ERC2: variants seen among roughly 807,000 people sequenced by gnomAD.
ERC2 encodes the protein ERC protein 2.
Under a neutral mutation model 114.8 loss-of-function variants are expected in ERC2, and 42 were observed. The ratio of observed to expected loss-of-function variants is 0.37; its 90% CI spans 0.29 to 0.47. The LOEUF is 0.47. Ranked by LOEUF, ERC2 falls within the 20% of genes least tolerant of loss-of-function variation. The pLI, the probability that ERC2 is intolerant of heterozygous loss-of-function variation, is 0.99. For missense variants in ERC2, 939 were observed against 1,150.7 expected (o/e 0.82, Z 2.66); for synonymous variants, 454 against 425.5 (o/e 1.07, Z -0.82).
chr3:55,687,849 G>T (rs1005369244), intron 16 of ERC2, among the ~76,000 whole-genome samples: 3 of 152,236 alleles, frequency 2.0e-5, no homozygotes, highest in African/African-American at 7.2e-5. Flanking sequence ...GGCCAGAGCC[G>T]GGAAAAACAG....
At chr3:56,179,761 G>GAAGACCAA (rs2083187262) in intron 3 of ERC2, among the ~76,000 whole-genome samples, 1 of 151,906 alleles carries the variant, frequency 6.6e-6, no homozygotes, top group Non-Finnish European at 1.5e-5. Context: ...GGAGTTATGG[G>GAAGACCAA]AACTAAGAGT....
At chr3:55,598,250 G>A (rs988494383) in intron 17 of ERC2, among the ~76,000 whole-genome samples, 6 of 152,176 alleles carry the variant, frequency 3.9e-5, no homozygotes, top group African/African-American at 1.2e-4. Context: ...TCTGCATAAG[G>A]ACTGCATTGT....
At position 56,388,987 on chromosome 3, in the gene ERC2, A is replaced by C. The variant is rs1417681724; in HGVS notation, c.657+45364T>G. Among the ~76,000 whole-genome samples the C allele has an allele frequency of 2.0e-5, 3 of 152,216 alleles. No individual in the cohort carries two copies. In the East Asian group the frequency reaches 5.8e-4, roughly 29 times the overall value. On this transcript the variant is annotated intron_variant, in intron 2 of 17. Coordinates refer to ENST00000288221, the MANE Select transcript of ERC2 (RefSeq NM_015576.3). ...ACAGAAAGAGAAATTTATGAAAATT[A>C]TGGAGCAAAGCATTCAGAGTATTAG...
chr3:55,770,159 C>T (rs912290383), intron 14 of ERC2, among the ~76,000 whole-genome samples: 1 of 152,188 alleles, frequency 6.6e-6, no homozygotes, highest in Non-Finnish European at 1.5e-5. Flanking sequence ...ACAGAGGCTG[C>T]TACCTCATCC....
At chr3:56,261,762 G>A (rs1050617820) in intron 3 of ERC2, among the ~76,000 whole-genome samples, 5 of 152,052 alleles carry the variant, frequency 3.3e-5, no homozygotes, top group African/African-American at 4.8e-5. Context: ...TTGTTACATA[G>A]GTAAACTTGT....
intron 13 of ERC2, among the ~76,000 whole-genome samples, chr3:55,903,009 A>G (rs527666241): frequency 6.6e-6 from 1 of 152,322 alleles, no homozygotes; most frequent in South Asian, 2.1e-4. Context: ...GGAAACATTC[A>G]CTGTTCATCT....
intron 2 of ERC2, among the ~76,000 whole-genome samples, chr3:56,397,390 A>C (rs2060352497): frequency 6.6e-6 from 1 of 151,324 alleles, no homozygotes; most frequent in Non-Finnish European, 1.5e-5. Flanking sequence ...CTCAGTTCCC[A>C]GTAGCCCATC....
At chr3:55,674,749 G>A (rs1421656507) in intron 17 of ERC2, among the ~76,000 whole-genome samples, 1 of 152,100 alleles carries the variant, frequency 6.6e-6, no homozygotes, top group Non-Finnish European at 1.5e-5. Flanking sequence ...AACTTCCAGG[G>A]GCTCTGTTTC....
intron 3 of ERC2, among the ~76,000 whole-genome samples, chr3:56,207,055 G>A (rs934875794): frequency 1.3e-5 from 2 of 152,116 alleles, no homozygotes; most frequent in African/African-American, 2.4e-5. Context: ...TTTAGAATAC[G>A]AGAAACATGG....
chr3:56,301,784 A>G (rs1291724015), intron 2 of ERC2, among the ~76,000 whole-genome samples: 1 of 151,406 alleles, frequency 6.6e-6, no homozygotes. Flanking sequence ...AAATATAATA[A>G]GAGAAATAAT....
intron 4 of ERC2, among the ~76,000 whole-genome samples, chr3:56,165,163 C>T (rs2082257226): frequency 6.6e-6 from 1 of 151,656 alleles, no homozygotes; most frequent in African/African-American, 2.4e-5. Context: ...TCACTTTTCC[C>T]TCCTCTTCTT....
At chr3:55,713,640 G>C (rs1035864576) in intron 15 of ERC2, among the ~76,000 whole-genome samples, 3 of 152,156 alleles carry the variant, frequency 2.0e-5, no homozygotes, top group South Asian at 2.1e-4. Flanking sequence ...TGGCTTTGAT[G>C]CATCCTATTT....
chr3:55,535,324 C>T (rs2053929863), intron 17 of ERC2, among the ~76,000 whole-genome samples: 2 of 152,002 alleles, frequency 1.3e-5, no homozygotes, highest in African/African-American at 4.8e-5. Flanking sequence ...TGCTGGAATT[C>T]CACTGCATGA....
At chr3:56,034,174 G>C (rs2074647796) in intron 7 of ERC2, among the ~76,000 whole-genome samples, 1 of 152,020 alleles carries the variant, frequency 6.6e-6, no homozygotes, top group African/African-American at 2.4e-5. Flanking sequence ...GAATAGGGGT[G>C]ACTATACTTA....
At chr3:56,038,060 A>G (rs2074913264) in intron 7 of ERC2, among the ~76,000 whole-genome samples, 1 of 152,230 alleles carries the variant, frequency 6.6e-6, no homozygotes. Flanking sequence ...AGCAATTGCA[A>G]CAAAAGCAAA....
At chr3:55,640,981 C>T (rs750175212) in intron 17 of ERC2, among the ~76,000 whole-genome samples, 26 of 152,118 alleles carry the variant, frequency 1.7e-4, no homozygotes, top group South Asian at 2.1e-4. Flanking sequence ...TGGATAGGAA[C>T]GCGACAAAAG....
intron 15 of ERC2, among the ~76,000 whole-genome samples, chr3:55,715,554 C>T (rs2064070394): frequency 6.6e-6 from 1 of 152,070 alleles, no homozygotes; most frequent in Admixed American, 6.5e-5. Flanking sequence ...ATAATTATGG[C>T]TCAGAAACAG....
chr3:56,451,868 T>C (rs1336362914), intron 1 of ERC2, among the ~76,000 whole-genome samples: 1 of 152,154 alleles, frequency 6.6e-6, no homozygotes, highest in African/African-American at 2.4e-5. Context: ...ACAACTCTAA[T>C]TGTTGTGCAA....
At chr3:56,060,750 T>C (rs1313119218) in intron 7 of ERC2, among the ~76,000 whole-genome samples, 1 of 152,214 alleles carries the variant, frequency 6.6e-6, no homozygotes, top group African/African-American at 2.4e-5. Context: ...TTGTAATTTA[T>C]TACAACAGCC....
Sources: allele counts gnomAD v4.1 joint callset (sites outside exome capture counted in the v4.1 genomes callset), GRCh38; gene constraint gnomAD v4.1.1; transcripts MANE v1.5; gene names NCBI Gene and HGNC (gene_info 2026-07-23, HGNC 2026-07-21).